The following ZNF280D variants were observed in gnomAD, a reference collection of about 807,000 sequenced individuals.
ZNF280D encodes zinc finger protein 280D, also known as suppressor of hairy wing homolog 4.
A neutral mutation model predicts 94.7 loss-of-function variants in ZNF280D; 39 were observed. The observed-to-expected ratio is 0.41, with a 90% CI of 0.32 to 0.54. The LOEUF (loss-of-function observed/expected upper bound fraction) is 0.54. ZNF280D is among the 20% of genes least tolerant of loss of function. The probability of loss-of-function intolerance (pLI) is 0.22; values close to 1 mark genes in which losing one functional copy is unlikely to be tolerated. For synonymous variants in ZNF280D, 398 were observed against 377.6 expected, an observed-to-expected ratio of 1.05 and a Z score of -0.63; for missense variants, 1,090 against 1,149.3, an observed-to-expected ratio of 0.95 and a Z score of 0.75.
rs559736 is a variant in ZNF280D at position 56,703,731 on chromosome 15, G to A, written c.175+390C>T. 5.9e-5 allele frequency among the ~76,000 whole-genome samples: 9 copies of A among 151,662 alleles called. No homozygotes were observed. The South Asian group carries it at 1.9e-3, about 32-fold the overall frequency. Reference sequence around the variant, plus strand: ...TAGCCAGGCATGGTAACACATGCCTGTAGTGCCAGCTACTTGGGAAGCTGA... The same window carrying A: ...TAGCCAGGCATGGTAACACATGCCTATAGTGCCAGCTACTTGGGAAGCTGA... On this transcript the variant is annotated intron_variant, in intron 4 of 21. Transcript: ENST00000267807.
In ZNF280D at chr15:56,708,843, A is replaced by T. The variant is rs549897241; in HGVS notation, c.-85-1537T>A. On this transcript the variant is annotated intron_variant, in intron 1 of 21. Coordinates refer to ENST00000267807, the MANE Select transcript of ZNF280D (RefSeq NM_017661.4). ...AAACTGGATCCCTTCCTTACACCTT[A>T]TACAAAAATTAATTCAAGATGGATT... is the stretch of plus-strand genomic sequence containing the variant. 3.3e-5 allele frequency among the ~76,000 whole-genome samples: 5 copies of T among 152,158 alleles called. No individual in the cohort carries two copies. The East Asian group carries it at 9.6e-4, about 29-fold the overall frequency.
At chr15:56,705,714 G>A (rs1412663114) in intron 3 of ZNF280D, among the ~76,000 whole-genome samples, 1 of 152,004 alleles carries the variant, frequency 6.6e-6, no homozygotes, top group African/African-American at 2.4e-5. Flanking sequence ...GAACTACACT[G>A]ATAATCAATA....
At chr15:56,639,223 A>G (rs1160126433) in intron 20 of ZNF280D, among the ~76,000 whole-genome samples, 1 of 151,792 alleles carries the variant, frequency 6.6e-6, no homozygotes, top group African/African-American at 2.4e-5. Context: ...AATTATTTAA[A>G]AAGATTGAAA....
At chr15:56,651,643 C>T (rs2053212958) in intron 19 of ZNF280D, among the ~76,000 whole-genome samples, 1 of 152,094 alleles carries the variant, frequency 6.6e-6, no homozygotes, top group Non-Finnish European at 1.5e-5. Flanking sequence ...CACAGGTCGC[C>T]CCTACCTCCC....
Position 56,678,598 on chromosome 15 carries a change from G to C in ZNF280D, c.1162+66C>G, listed in dbSNP as rs896582619. Reference sequence around the variant, plus strand: ...CTCATTTTTCTAACAGGCTTCTTAAGGTTTTCTCACAATTTATATTAGCGA... The same window carrying C: ...CTCATTTTTCTAACAGGCTTCTTAACGTTTTCTCACAATTTATATTAGCGA... On this transcript the variant is annotated intron_variant, in intron 11 of 21. Transcript: ENST00000267807. 4 of 1,334,504 alleles carry C rather than the reference G, an allele frequency of 3.0e-6. No homozygotes were observed. In the East Asian group the frequency reaches 1.1e-4, roughly 35 times the overall value. 82.7% of individuals were successfully genotyped at this position (1,334,504 alleles called of 1,614,324 possible).
chr15:56,658,323 T>C (rs2053681839), intron 17 of ZNF280D, 101 bp downstream of exon 17: 3 of 780,088 alleles, frequency 3.8e-6, no homozygotes, highest in African/African-American at 1.8e-5. Context: ...ACATAAATTG[T>C]ATGGTATGCT....
chr15:56,676,370 C>A (rs2055233860), intron 13 of ZNF280D, among the ~76,000 whole-genome samples: 1 of 152,120 alleles, frequency 6.6e-6, no homozygotes, highest in African/African-American at 2.4e-5. Context: ...TACCTTTAGA[C>A]CCTGAAATAT....
At chr15:56,704,374 G>T in intron 3 of ZNF280D, 107 bp from the exon 4 acceptor site, 7 of 1,088,564 alleles carry the variant, frequency 6.4e-6, no homozygotes, top group Non-Finnish European at 9.2e-6. Context: ...AATCTTAATA[G>T]CAATTTCTGA....
chr15:56,665,307 A>T (rs10851611), intron 16 of ZNF280D, among the ~76,000 whole-genome samples: 150,997 of 152,280 alleles, frequency 0.99, 74,882 homozygotes, highest in Middle Eastern at 1. Flanking sequence ...TTACTTTGAA[A>T]AAGCAAACTC....
At chr15:56,652,190 G>A (rs561822036) in intron 19 of ZNF280D, among the ~76,000 whole-genome samples, 1 of 152,220 alleles carries the variant, frequency 6.6e-6, no homozygotes, top group African/African-American at 2.4e-5. Flanking sequence ...TTAATTGCAA[G>A]AAACACGTCA....
chr15:56,694,452 A>C (rs967629881), intron 6 of ZNF280D, among the ~76,000 whole-genome samples: 2 of 152,220 alleles, frequency 1.3e-5, no homozygotes, highest in South Asian at 4.1e-4. Flanking sequence ...GCGGATTAAC[A>C]ATGATTAAAA....
chr15:56,634,526 A>G (rs1435068613), intron 21 of ZNF280D, among the ~76,000 whole-genome samples: 5 of 152,134 alleles, frequency 3.3e-5, no homozygotes, highest in African/African-American at 4.8e-5. Context: ...AACTTAATCC[A>G]TAACTTGCTT....
chr15:56,706,295 T>C (rs187393680), intron 3 of ZNF280D, among the ~76,000 whole-genome samples: 20 of 149,944 alleles, frequency 1.3e-4, no homozygotes, highest in Admixed American at 3.3e-4. Flanking sequence ...GCCAACATGG[T>C]GAAACCCAGT....
intron 6 of ZNF280D, chr15:56,699,043 T>C (rs2056908222): frequency 7.1e-6 from 1 of 140,380 alleles, no homozygotes; most frequent in African/African-American, 3.0e-5. Context: ...AAAGAGTGTA[T>C]GTTGTTTTAA....
chr15:56,702,074 C>T (rs1346730345), intron 4 of ZNF280D, among the ~76,000 whole-genome samples: 1 of 145,632 alleles, frequency 6.9e-6, no homozygotes, highest in Non-Finnish European at 1.5e-5. Flanking sequence ...TTTCTTTTAT[C>T]TTCCTCACAG....
chr15:56,654,120 G>A (rs1052950354), intron 19 of ZNF280D, 78 bp downstream of exon 19: 29 of 1,550,306 alleles, frequency 1.9e-5, no homozygotes, highest in Middle Eastern at 1.8e-4. Context: ...CTTTTCATTC[G>A]TATTAATGAT....
At chr15:56,669,871 TTTTA>T (rs1196049293) in intron 13 of ZNF280D, among the ~76,000 whole-genome samples, 3 of 5,692 alleles carry the variant, frequency 5.3e-4, no homozygotes, top group South Asian at 8.3e-3. Flanking sequence ...TATATATATA[TTTTA>T]TATATATATA....
chr15:56,638,525 A>T (rs2052462430), intron 20 of ZNF280D, among the ~76,000 whole-genome samples: 2 of 152,158 alleles, frequency 1.3e-5, no homozygotes, highest in Admixed American at 1.3e-4. Flanking sequence ...ATACATTTCA[A>T]CCAAAAGAAT....
intron 3 of ZNF280D, among the ~76,000 whole-genome samples, chr15:56,705,799 C>T (rs1240891507): frequency 6.6e-6 from 1 of 151,824 alleles, no homozygotes; most frequent in Non-Finnish European, 1.5e-5. Context: ...ATATGTCTAA[C>T]GTCATATAGG....
Sources: gnomAD v4.1 joint callset for allele counts (sites outside exome capture counted in the v4.1 genomes callset) on GRCh38, gnomAD v4.1.1 for gene constraint, MANE v1.5 for transcripts, NCBI Gene and HGNC (gene_info 2026-07-23, HGNC 2026-07-21) for gene names.